The following FGGY variants were observed in gnomAD, a reference collection of about 807,000 sequenced individuals.
FGGY encodes FGGY carbohydrate kinase domain containing, also known as FGGY carbohydrate kinase domain-containing protein.
Under a neutral mutation model 71.3 loss-of-function variants are expected in FGGY, and 72 were observed. That is an observed-to-expected ratio of 1.01 (90% CI 0.84 to 1.23). The LOEUF is 1.23. FGGY is among the 50% of genes most tolerant of loss of function. The pLI is 0.00. For missense variants in FGGY, 668 were observed against 682.3 expected (o/e 0.98, Z 0.23); for synonymous variants, 251 against 250.3 (o/e 1.00, Z -0.02).
chr1:59,664,875 G>A (rs2097309726), intron 12 of FGGY, among the ~76,000 whole-genome samples: 1 of 151,806 alleles, frequency 6.6e-6, no homozygotes, highest in Non-Finnish European at 1.5e-5. Context: ...TTTTTTGCAT[G>A]TTGACATTTC....
intron 7 of FGGY, among the ~76,000 whole-genome samples, chr1:59,543,835 C>T (rs1201582124): frequency 6.6e-6 from 1 of 152,154 alleles, no homozygotes; most frequent in Non-Finnish European, 1.5e-5. Flanking sequence ...GTGCTGATTA[C>T]TTTCCCTACC....
chr1:59,321,590 G>T lies in FGGY; in HGVS notation c.41G>T (p.Gly14Val), dbSNP rs368626109. Residue 14 changes from glycine (G) to valine (V), a missense_variant, in exon 2 of 16, where the codon GGT becomes GTT. Physicochemically the swap from Gly to Val is moderately radical, Grantham distance 109 (BLOSUM62 -3). This residue lies in a region of FGGY where 7 missense variants were observed against 20.7 expected (regional missense o/e 0.34). Transcript: ENST00000303721. ...GEQKPERYYV[G>V]VDVGTGSVRA... ...CAGAAACCAGAGAGGTACTATGTGG[G>T]TGTGGACGTTGGAACAGGCAGTGTC... The T allele has an allele frequency of 1.4e-4, 231 of 1,613,954 alleles. No homozygotes were observed. The highest frequency in any genetic ancestry group is 6.6e-4 in the Middle Eastern group (4 of 6,062).
chr1:59,567,974 T>A (rs1330507582), intron 8 of FGGY, among the ~76,000 whole-genome samples: 5 of 151,866 alleles, frequency 3.3e-5, no homozygotes, highest in Admixed American at 1.3e-4. Context: ...AGCAGGTGCA[T>A]CTGCACACGC....
rs1469596381 is a variant in FGGY, at chr1:59,606,069, C to G, written c.904-1734C>G. 2.0e-5 allele frequency among the ~76,000 whole-genome samples: 3 copies of G among 152,048 alleles called. No homozygotes were observed. The East Asian group carries it at 5.8e-4, about 29-fold the overall frequency. ...AGATGAATGAACACATGGTCTATCCCCACCCGTTCTAGTTCATCTCTTTAA... is the reference window on the plus strand; with the variant it reads ...AGATGAATGAACACATGGTCTATCCGCACCCGTTCTAGTTCATCTCTTTAA... On this transcript the variant is annotated intron_variant, in intron 8 of 15. Coordinates refer to ENST00000303721, the MANE Select transcript of FGGY (RefSeq NM_018291.5).
At chr1:59,587,179 G>A (rs536291355) in intron 8 of FGGY, among the ~76,000 whole-genome samples, 3 of 152,326 alleles carry the variant, frequency 2.0e-5, no homozygotes, top group East Asian at 3.9e-4. Flanking sequence ...CACCCACGGA[G>A]TCTCACTGAT....
At chr1:59,535,527 A>G (rs1336115208) in intron 7 of FGGY, among the ~76,000 whole-genome samples, 1 of 152,136 alleles carries the variant, frequency 6.6e-6, no homozygotes, top group South Asian at 2.1e-4. Context: ...AACAGAATAT[A>G]CATTTTTTTC....
intron 14 of FGGY, among the ~76,000 whole-genome samples, chr1:59,723,277 T>C (rs1292331960): frequency 6.6e-6 from 1 of 152,132 alleles, no homozygotes; most frequent in African/African-American, 2.4e-5. Flanking sequence ...CTGTATGTAA[T>C]CATCTTTTTG....
At chr1:59,624,792 C>G (rs543073814) in intron 9 of FGGY, among the ~76,000 whole-genome samples, 1 of 152,266 alleles carries the variant, frequency 6.6e-6, no homozygotes, top group African/African-American at 2.4e-5. Context: ...TCAGTTGTTT[C>G]CCACTGGGTC....
intron 5 of FGGY, among the ~76,000 whole-genome samples, chr1:59,448,460 T>C (rs1050252919): frequency 1.2e-4 from 18 of 152,126 alleles, no homozygotes; most frequent in Non-Finnish European, 1.0e-4. Context: ...TTGAGGTTAA[T>C]GGTCTATGCA....
intron 6 of FGGY, among the ~76,000 whole-genome samples, chr1:59,480,538 G>A (rs927428765): frequency 6.6e-6 from 1 of 152,136 alleles, no homozygotes; most frequent in African/African-American, 2.4e-5. Flanking sequence ...AAGGGAAGCT[G>A]GGGAAAGGTC....
At chr1:59,322,129 A>AC (rs995473090) in intron 2 of FGGY, among the ~76,000 whole-genome samples, 1 of 152,144 alleles carries the variant, frequency 6.6e-6, no homozygotes, top group Non-Finnish European at 1.5e-5. Context: ...TTGCATCTTC[A>AC]CATGACCCTA....
chr1:59,432,127 T>A (rs1485769480), intron 5 of FGGY, among the ~76,000 whole-genome samples: 1 of 152,184 alleles, frequency 6.6e-6, no homozygotes, highest in Non-Finnish European at 1.5e-5. Flanking sequence ...TAAAAATCCC[T>A]GAAAGATGGG....
chr1:59,659,772 A>G (rs1452346887), intron 11 of FGGY, among the ~76,000 whole-genome samples: 1 of 152,214 alleles, frequency 6.6e-6, no homozygotes, highest in Non-Finnish European at 1.5e-5. Flanking sequence ...GACATATTAT[A>G]TTACCCTGGA....
At chr1:59,737,068 G>T (rs539925581) in intron 14 of FGGY, among the ~76,000 whole-genome samples, 5 of 152,272 alleles carry the variant, frequency 3.3e-5, no homozygotes, top group African/African-American at 1.2e-4. Flanking sequence ...TTCTAAAGGC[G>T]CAAGCCTCAA....
intron 5 of FGGY, among the ~76,000 whole-genome samples, chr1:59,438,680 G>A (rs776323827): frequency 2.0e-5 from 3 of 152,162 alleles, no homozygotes; most frequent in Non-Finnish European, 4.4e-5. Flanking sequence ...TGCCTAAATT[G>A]TAACTTCTGA....
intron 6 of FGGY, among the ~76,000 whole-genome samples, chr1:59,462,583 T>C (rs1476466159): frequency 2.6e-5 from 4 of 152,126 alleles, no homozygotes; most frequent in African/African-American, 9.7e-5. Context: ...ATATCCAGAA[T>C]CTACAGTGAA....
chr1:59,347,830 T>G (rs1482708432), intron 4 of FGGY, among the ~76,000 whole-genome samples: 3 of 152,186 alleles, frequency 2.0e-5, no homozygotes, highest in Non-Finnish European at 4.4e-5. Context: ...GACTTAAATG[T>G]TAGACCTAAA....
At chr1:59,635,954 C>T (rs1390238528) in intron 10 of FGGY, among the ~76,000 whole-genome samples, 1 of 152,200 alleles carries the variant, frequency 6.6e-6, no homozygotes, top group Non-Finnish European at 1.5e-5. Context: ...CCTCTTGAAG[C>T]ATCTCCTCTG....
rs115034800 is a variant in FGGY at position 59,525,219 on chromosome 1, G to A, written c.799+12780G>A. On this transcript the variant is annotated intron_variant, in intron 7 of 15. Transcript: ENST00000303721. ...GCTTGTCTGGTTGTGTGCAGTGGCC[G>A]GACTCTGCACTTGCTCACCCACACA... 3.4e-3 allele frequency among the ~76,000 whole-genome samples: 521 copies of A among 152,272 alleles called. 2 individuals carry two copies. The highest frequency in any genetic ancestry group is 0.012 in the African/African-American group (492 of 41,562).
Sources: gnomAD v4.1 joint callset for allele counts (sites outside exome capture counted in the v4.1 genomes callset) on GRCh38, gnomAD v4.1.1 for gene constraint, gnomAD v4.1.1 regional missense constraint, MANE v1.5 for transcripts, NCBI Gene and HGNC (gene_info 2026-07-23, HGNC 2026-07-21) for gene names.